Variants in SUGCT observed in about 807,000 individuals in gnomAD.
The protein encoded by SUGCT is succinyl-CoA:glutarate CoA-transferase.
Under a neutral mutation model 55.0 loss-of-function variants are expected in SUGCT, and 41 were observed. That is an observed-to-expected ratio of 0.74 (90% CI 0.58 to 0.97). The LOEUF (loss-of-function observed/expected upper bound fraction) is 0.97, where lower values mean the gene tolerates loss of function less well. SUGCT is among the 50% of genes least tolerant of loss of function. The probability of loss-of-function intolerance (pLI) is 0.00; values close to 1 mark genes in which losing one functional copy is unlikely to be tolerated. For synonymous variants in SUGCT, 187 were observed against 200.4 expected (o/e 0.93, Z 0.56); for missense variants, 568 against 547.8 (o/e 1.04, Z -0.37).
Position 40,268,021 on chromosome 7 carries a change from T to G in SUGCT, c.577-6492T>G, listed in dbSNP as rs149748298. 5.0e-3 allele frequency among the ~76,000 whole-genome samples: 768 copies of G among 152,338 alleles called. 6 individuals carry two copies. The highest frequency in any genetic ancestry group is 0.018 in the African/African-American group (731 of 41,582). On this transcript the variant is annotated intron_variant, in intron 7 of 13. Transcript: ENST00000335693. ...CTAAATACATGATTTTAAGCAGGTC[T>G]TTAAAGATTTTTTTTAAACTTTATT...
intron 13 of SUGCT, among the ~76,000 whole-genome samples, chr7:40,839,537 A>T (rs975856383): frequency 2.0e-5 from 3 of 152,208 alleles, no homozygotes; most frequent in African/African-American, 7.2e-5. Flanking sequence ...ATAGAAACCT[A>T]GAAATTTCTT....
the SUGCT span, among the ~76,000 whole-genome samples, chr7:40,884,817 C>T: frequency 6.6e-6 from 1 of 152,206 alleles, no homozygotes; most frequent in South Asian, 2.1e-4. Flanking sequence ...TGGAGTAGGA[C>T]TTATCGTTAC....
chr7:40,572,686 T>C (rs1233633682), intron 12 of SUGCT, among the ~76,000 whole-genome samples: 1 of 152,240 alleles, frequency 6.6e-6, no homozygotes, highest in Non-Finnish European at 1.5e-5. Context: ...ATTATCCTAA[T>C]GTTTAAAGTA....
the SUGCT span, among the ~76,000 whole-genome samples, chr7:40,869,867 T>C: frequency 6.6e-6 from 1 of 152,238 alleles, no homozygotes; most frequent in Admixed American, 6.5e-5. Context: ...ATCAGGATTA[T>C]GCATTTTTGG....
chr7:40,665,432 AAAATAAATAAATAAATAAAT>A lies in SUGCT; in HGVS notation c.1090-83974_1090-83955del, dbSNP rs59090658. Reference sequence around the variant, plus strand: ...CGACAAAAGTGAAACTCTATCTCAAAAAATAAATAAATAAATAAATAAATAAATAAATAAATAAATAAATA... The same window carrying A: ...CGACAAAAGTGAAACTCTATCTCAAAAAATAAATAAATAAATAAATAAATA... On this transcript the variant is annotated intron_variant, in intron 12 of 13. Coordinates refer to ENST00000335693, the MANE Select transcript of SUGCT (RefSeq NM_001193313.2). Among the ~76,000 whole-genome samples the A allele has an allele frequency of 1.3e-4, 18 of 140,480 alleles. No individual in the cohort carries two copies. In the South Asian group the frequency reaches 1.4e-3, roughly 11 times the overall value. The allele number at this position is 140,480 out of a possible 152,430, so 92.2% of individuals were successfully genotyped here.
At chr7:40,932,915 G>A in the SUGCT span, among the ~76,000 whole-genome samples, 1 of 152,006 alleles carries the variant, frequency 6.6e-6, no homozygotes, top group South Asian at 2.1e-4. Context: ...TTTAATTGGG[G>A]CATTTAGCAC....
chr7:40,469,145 A>G (rs1294654810), intron 11 of SUGCT, among the ~76,000 whole-genome samples: 1 of 152,112 alleles, frequency 6.6e-6, no homozygotes, highest in Non-Finnish European at 1.5e-5. Context: ...TCTTTTTTCC[A>G]TATGATCACA....
At position 40,563,434 on chromosome 7, in the gene SUGCT, G is replaced by A. The variant is rs189713224; in HGVS notation, c.1089+67048G>A. 1.4e-3 allele frequency among the ~76,000 whole-genome samples: 216 copies of A among 152,138 alleles called. 1 individual carries two copies. The highest frequency in any genetic ancestry group is 5.0e-3 in the African/African-American group (207 of 41,512). The stretch of plus-strand genomic sequence containing the variant: ...AAAAGTCATTATTTGGGCTGTGTGT[G>A]GTGGTTTATGCCTGTAATCCCAGCA... On this transcript the variant is annotated intron_variant, in intron 12 of 13. Transcript: ENST00000335693.
At chr7:40,372,367 A>G (rs1015969256) in intron 9 of SUGCT, among the ~76,000 whole-genome samples, 2 of 152,094 alleles carry the variant, frequency 1.3e-5, no homozygotes, top group African/African-American at 4.8e-5. Flanking sequence ...TCGACGAATG[A>G]AACTAATTGT....
intron 13 of SUGCT, among the ~76,000 whole-genome samples, chr7:40,832,136 G>A (rs1584505447): frequency 1.3e-5 from 2 of 152,210 alleles, no homozygotes; most frequent in Non-Finnish European, 1.5e-5. Flanking sequence ...GTGTGCGTCC[G>A]GGTATCTCTG....
chr7:40,792,765 G>C (rs951357151), intron 13 of SUGCT, among the ~76,000 whole-genome samples: 4 of 152,094 alleles, frequency 2.6e-5, no homozygotes, highest in African/African-American at 9.7e-5. Flanking sequence ...TTGATTTTGA[G>C]TATGTCAGCT....
intron 1 of SUGCT, among the ~76,000 whole-genome samples, chr7:40,167,743 G>A (rs1775325755): frequency 6.6e-6 from 1 of 152,176 alleles, no homozygotes; most frequent in East Asian, 1.9e-4. Flanking sequence ...AGCGGCAATG[G>A]GTGCCTCACT....
chr7:40,215,794 G>A (rs1031932331), intron 6 of SUGCT, among the ~76,000 whole-genome samples: 31 of 151,754 alleles, frequency 2.0e-4, no homozygotes, highest in Admixed American at 3.9e-4. Context: ...CCCGGGAGGC[G>A]GAGCTTGCAG....
At chr7:40,178,973 C>T (rs1785052909) in intron 1 of SUGCT, among the ~76,000 whole-genome samples, 1 of 151,956 alleles carries the variant, frequency 6.6e-6, no homozygotes, top group Admixed American at 6.6e-5. Context: ...ATTTTCTTAT[C>T]TCGATCTTTC....
rs1308632780 is a variant in SUGCT, at chr7:40,188,522, G to A, written c.254G>A (p.Gly85Glu). ...PGAGDDTRTW[G>E]PPFVGTESTY... ...GCTGGTGATGATACACGAACTTGGG[G>A]GCCACCTTTTGTTGGGACAGAAAGT... Residue 85 changes from glycine (G) to glutamate (E), a missense_variant, in exon 4 of 14, where the codon GGG becomes GAG. Physicochemically the swap from Gly to Glu is moderately conservative, Grantham distance 98. Coordinates refer to ENST00000335693, the MANE Select transcript of SUGCT (RefSeq NM_001193313.2). The A allele has an allele frequency of 2.4e-5, 39 of 1,609,908 alleles. No homozygotes were observed. The highest frequency in any genetic ancestry group is 3.1e-5 in the Non-Finnish European group (36 of 1,178,594).
At chr7:40,709,359 C>T (rs1444983056) in intron 12 of SUGCT, among the ~76,000 whole-genome samples, 4 of 152,162 alleles carry the variant, frequency 2.6e-5, no homozygotes, top group Non-Finnish European at 4.4e-5. Context: ...TTCATGTGCA[C>T]AGGATTTAAT....
the SUGCT span, among the ~76,000 whole-genome samples, chr7:40,985,650 G>A: frequency 1.3e-5 from 2 of 152,116 alleles, no homozygotes; most frequent in African/African-American, 4.8e-5. Context: ...CACAGAAAGG[G>A]AATTTTAAAA....
chr7:40,724,289 C>A lies in SUGCT; in HGVS notation c.1090-25145C>A, dbSNP rs116126059. 8.9e-3 allele frequency among the ~76,000 whole-genome samples: 1,354 copies of A among 152,286 alleles called. 16 individuals are homozygous for A. Among genetic ancestry groups the A allele is most frequent in the African/African-American group, 0.031 (1,273 of 41,540 alleles). On this transcript the variant is annotated intron_variant, in intron 12 of 13. Coordinates refer to ENST00000335693, the MANE Select transcript of SUGCT (RefSeq NM_001193313.2). Reference sequence around the variant, plus strand: ...TTTGTGTCTATGTGGCATTCTTGGTCATTTCTGTCTCTTATTAAGAAAGTC... The same window carrying A: ...TTTGTGTCTATGTGGCATTCTTGGTAATTTCTGTCTCTTATTAAGAAAGTC...
chr7:40,380,578 G>T (rs1784820737), intron 9 of SUGCT, among the ~76,000 whole-genome samples: 1 of 152,104 alleles, frequency 6.6e-6, no homozygotes, highest in Admixed American at 6.6e-5. Context: ...CTTTTGGGTT[G>T]CATCGCATCC....
Sources: gnomAD v4.1 joint callset for allele counts (sites outside exome capture counted in the v4.1 genomes callset) on GRCh38, gnomAD v4.1.1 for gene constraint, MANE v1.5 for transcripts, NCBI Gene and HGNC (gene_info 2026-07-23, HGNC 2026-07-21) for gene names.